Variants in RACK1 observed in about 807,000 individuals in gnomAD.
RACK1 encodes receptor for activated C kinase 1.
Under a neutral mutation model 42.2 loss-of-function variants are expected in RACK1, and 3 were observed. The observed-to-expected ratio is 0.07, with a 90% CI of 0.03 to 0.18. RACK1 has a LOEUF of 0.18. Ranked by LOEUF, RACK1 falls within the 10% of genes least tolerant of loss-of-function variation. The probability of loss-of-function intolerance (pLI) is 1.00; values close to 1 mark genes in which losing one functional copy is unlikely to be tolerated. For missense variants in RACK1, 146 were observed against 403.2 expected (o/e 0.36, Z 5.46); for synonymous variants, 181 against 154.8 (o/e 1.17, Z -1.25).
At chr5:181,243,485 T>G (rs1759434907) in intron 1 of RACK1, 17 of 1,455,114 alleles carry the variant, frequency 1.2e-5, no homozygotes, top group Non-Finnish European at 1.6e-5. Flanking sequence ...GATGTACACG[T>G]AGGTTCTCAT....
At chr5:181,238,339 A>G in intron 5 of RACK1, 100 bp from the exon 6 acceptor site, 2 of 1,243,840 alleles carry the variant, frequency 1.6e-6, no homozygotes, top group South Asian at 1.3e-5. Context: ...CCTTTCCTCC[A>G]TTACCCCAGG....
chr5:181,237,220 C>G, intron 7 of RACK1, 178 bp from the exon 8 acceptor site: 4 of 1,213,006 alleles, frequency 3.3e-6, no homozygotes, highest in Non-Finnish European at 4.8e-6. Flanking sequence ...AAGAGATCCT[C>G]CCACCTCAGC....
chr5:181,242,810 C>T, intron 1 of RACK1: 1 of 333,200 alleles, frequency 3.0e-6, no homozygotes, highest in Non-Finnish European at 5.9e-6. Context: ...CCACTCGCCT[C>T]TGCCTTCCAA....
At chr5:181,243,222 G>A in intron 1 of RACK1, 4 of 1,291,196 alleles carry the variant, frequency 3.1e-6, no homozygotes, top group Non-Finnish European at 3.1e-6. Flanking sequence ...TAGGGACGGG[G>A]AGAACCAGGG....
At position 181,240,379 on chromosome 5, in the gene RACK1, G is replaced by A. The variant is rs142561610; in HGVS notation, c.430-797C>T. 1,181 of 153,492 alleles carry A rather than the reference G, an allele frequency of 7.7e-3. 15 individuals carry two copies. The highest frequency in any genetic ancestry group is 0.027 in the African/African-American group (1,128 of 41,562). 9.5% of individuals were successfully genotyped at this position (153,492 alleles called of 1,614,324 possible). ...AAACAAAACAAAATAGTAGTGATAAGGCCGGGCACGGTGACTCACGCCTGT... is the reference window on the plus strand; with the variant it reads ...AAACAAAACAAAATAGTAGTGATAAAGCCGGGCACGGTGACTCACGCCTGT... On this transcript the variant is annotated intron_variant, in intron 3 of 7. Coordinates refer to ENST00000512805, the MANE Select transcript of RACK1 (RefSeq NM_006098.5).
At chr5:181,243,393 G>GCC (rs1359968469) in intron 1 of RACK1, 2 of 1,432,468 alleles carry the variant, frequency 1.4e-6, no homozygotes, top group African/African-American at 2.8e-5. Flanking sequence ...CGGCCCGTAG[G>GCC]CCCCCGGCCA....
chr5:181,238,819 A>AC, intron 5 of RACK1: 1 of 488,980 alleles, frequency 2.0e-6, no homozygotes, highest in East Asian at 4.0e-5. Context: ...CAAAAAACAA[A>AC]CAAACAAAAA....
At position 181,241,381 on chromosome 5, in the gene RACK1, G is replaced by A. The variant is rs1759338379; in HGVS notation, c.429+111C>T. On this transcript the variant is annotated intron_variant, in intron 3 of 7. Transcript: ENST00000512805. ...GGAGGCAGAGGTTGCAGTGAGCCGA[G>A]ACTGCGCCACTGCACTCCAGCTTGG... is the stretch of plus-strand genomic sequence containing the variant. The A allele has an allele frequency of 1.1e-5, 10 of 930,420 alleles. No homozygotes were observed. In the South Asian group the frequency reaches 1.6e-4, roughly 15 times the overall value. 57.6% of individuals were successfully genotyped at this position (930,420 alleles called of 1,614,324 possible).
At chr5:181,237,214 G>T (rs1002026664) in intron 7 of RACK1, 172 bp from the exon 8 acceptor site, 3 of 1,297,208 alleles carry the variant, frequency 2.3e-6, no homozygotes, top group Non-Finnish European at 3.3e-6. Flanking sequence ...CAGTTCAAGA[G>T]ATCCTCCCAC....
chr5:181,239,420 T>C (rs759383736), intron 4 of RACK1, 67 bp downstream of exon 4: 1 of 1,119,436 alleles, frequency 8.9e-7, no homozygotes, highest in Admixed American at 1.7e-5. Flanking sequence ...TCCACAGGAC[T>C]TGGAGTGTAT....
intron 3 of RACK1, 24 bp downstream of exon 3, chr5:181,241,468 A>T (rs1162205254): frequency 1.3e-6 from 2 of 1,559,792 alleles, no homozygotes; most frequent in Non-Finnish European, 1.7e-6. Context: ...GGTGGAAGAG[A>T]TCCTTGGAGA....
intron 7 of RACK1, chr5:181,237,289 C>T (rs41285567): frequency 4.0e-6 from 3 of 751,672 alleles, no homozygotes; most frequent in South Asian, 1.5e-5. Context: ...CTCATTTCAA[C>T]AGCCAGCTTG....
chr5:181,241,911 A>G (rs760696981), intron 2 of RACK1: 20 of 766,504 alleles, frequency 2.6e-5, no homozygotes, highest in Non-Finnish European at 4.0e-5. Context: ...CCACCTGCCA[A>G]TTACCTGAGC....
Position 181,238,092 on chromosome 5 carries a change from C to T in RACK1, c.777+7G>A, listed in dbSNP as rs749239716. 99 of 1,614,152 alleles carry T rather than the reference C, an allele frequency of 6.1e-5. No individual in the cohort carries two copies. The East Asian group carries it at 2.0e-3, about 32-fold the overall frequency. On this transcript the variant is annotated splice_region_variant and intron_variant, in intron 6 of 7. Coordinates refer to ENST00000512805, the MANE Select transcript of RACK1 (RefSeq NM_006098.5). The stretch of plus-strand genomic sequence containing the variant: ...CAGGTACCCAGTCAATTGTAACCCA[C>T]ACTCACCCAGATCTTGATGCTGGGG...
At chr5:181,238,354 T>C (rs1304553355) in intron 5 of RACK1, 115 bp from the exon 6 acceptor site, 1 of 1,080,526 alleles carries the variant, frequency 9.3e-7, no homozygotes, top group African/African-American at 1.6e-5. Context: ...CCCAGGCTTC[T>C]TTGAAAGCTA....
chr5:181,238,787 A>G (rs532504188), intron 5 of RACK1: 191 of 407,024 alleles, frequency 4.7e-4, no homozygotes, highest in Non-Finnish European at 7.2e-4. Flanking sequence ...CAGCCGAGTG[A>G]GACTCCGTCT....
chr5:181,242,159 T>A lies in RACK1; in HGVS notation c.281+15A>T, dbSNP rs554824522. 6.2e-7 allele frequency: 1 copy of A among 1,606,112 alleles called. No homozygotes were observed. Among genetic ancestry groups the A allele is most frequent in the East Asian group, 2.2e-5 (1 of 44,822 alleles). On this transcript the variant is annotated intron_variant, in intron 2 of 7. Coordinates refer to ENST00000512805, the MANE Select transcript of RACK1 (RefSeq NM_006098.5). ...TTCTTCCCAAGGCCCCAGAGCTAAGTGAGCAGCTACTTGCGTTGTGAGATC... is the reference window on the plus strand; with the variant it reads ...TTCTTCCCAAGGCCCCAGAGCTAAGAGAGCAGCTACTTGCGTTGTGAGATC...
chr5:181,242,452 A>G (rs889355442), intron 1 of RACK1, 107 bp from the exon 2 acceptor site: 27 of 722,624 alleles, frequency 3.7e-5, no homozygotes, highest in Non-Finnish European at 5.3e-5. Flanking sequence ...ACAACAACTA[A>G]GGACGCTTAA....
At chr5:181,239,381 A>G (rs558117559) in intron 4 of RACK1, 106 bp downstream of exon 4, 44 of 836,904 alleles carry the variant, frequency 5.3e-5, no homozygotes, top group Non-Finnish European at 7.2e-5. Context: ...GACAAGAGAA[A>G]GAGTCAACTG....
Sources: gnomAD v4.1 joint callset for allele counts on GRCh38, gnomAD v4.1.1 for gene constraint, MANE v1.5 for transcripts, NCBI Gene and HGNC (gene_info 2026-07-23, HGNC 2026-07-21) for gene names.